The following DOCK6 variants were observed in gnomAD, a reference collection of about 807,000 sequenced individuals.
DOCK6 encodes the protein dedicator of cytokinesis protein 6.
A neutral mutation model predicts 230.3 loss-of-function variants in DOCK6; 167 were observed. The observed-to-expected ratio is 0.73, with a 90% CI of 0.64 to 0.82. The LOEUF (loss-of-function observed/expected upper bound fraction) is 0.82, where lower values mean the gene tolerates loss of function less well. Among genes scored for constraint, DOCK6 ranks in the 40% least tolerant of loss-of-function variants. DOCK6 has a pLI of 0.00. For synonymous variants in DOCK6, 1,148 were observed against 1,185.0 expected, an observed-to-expected ratio of 0.97 and a Z score of 0.64; for missense variants, 2,598 against 2,825.8, an observed-to-expected ratio of 0.92 and a Z score of 1.83.
rs1378963280 is a variant in DOCK6 at position 11,200,388 on chromosome 19, G to A, written c.6021C>T (p.Tyr2007=). ...KEYHRELERN[Y]CRLREALQPL... is the part of the protein sequence containing the mutation. ...GCTGCAGAGCCTCCCGCAGGCGGCA[G>A]TAGTTGCGCTCCAGCTCACGGTGGT... The change falls in exon 47 of 48, where the codon TAC becomes TAT. Residue 2007 remains tyrosine (Y), a synonymous_variant. Transcript: ENST00000294618. This position sits in a 1 kb window ranked among gnomAD's most constrained non-coding sequence, Gnocchi z 4.3. 2.5e-6 allele frequency: 4 copies of A among 1,605,474 alleles called. No homozygotes were observed. The highest frequency in any genetic ancestry group is 2.3e-5 in the East Asian group (1 of 44,416).
At chr19:11,241,578 G>A in intron 14 of DOCK6, 1 of 1,555,072 alleles carries the variant, frequency 6.4e-7, no homozygotes, top group Non-Finnish European at 8.7e-7. Flanking sequence ...GGGTTTGGCA[G>A]GCAGGGCAGT....
In DOCK6 at chr19:11,243,949, C is replaced by T. The variant is rs2079992775; in HGVS notation, c.1024-67G>A. On this transcript the variant is annotated intron_variant, in intron 9 of 47. Transcript: ENST00000294618. This position sits in a 1 kb window ranked among gnomAD's most constrained non-coding sequence, Gnocchi z 6.3. ...CGCTCTGTTCCCCCGTGCTGGCTCC[C>T]CAGCCTCCTGGACCCCTCATGGGCC... The T allele has an allele frequency of 1.3e-6, 2 of 1,536,934 alleles. No individual in the cohort carries two copies. Among genetic ancestry groups the T allele is most frequent in the South Asian group, 2.4e-5 (2 of 83,866 alleles).
intron 24 of DOCK6, among the ~76,000 whole-genome samples, chr19:11,226,886 G>A (rs2147797077): frequency 6.6e-6 from 1 of 152,286 alleles, no homozygotes; most frequent in East Asian, 1.9e-4. Flanking sequence ...ACTGTGCTAA[G>A]GGTTAATGGA....
Position 11,252,176 on chromosome 19 carries a change from G to A in DOCK6, c.450C>T (p.Pro150=), listed in dbSNP as rs1197807522. The change falls in exon 5 of 48, where the codon CCC becomes CCT. Residue 150 remains proline, a synonymous_variant. Transcript: ENST00000294618. ...DTQRERQKGL[P]RQVFEQDASG... ...AAGCATCCTGCTCAAAGACCTGGCG[G>A]GGGAGGCCCTTCTGTCGCTCCCGCT... is the stretch of plus-strand genomic sequence containing the variant. 1.3e-6 allele frequency: 2 copies of A among 1,585,084 alleles called. No homozygotes were observed. Among genetic ancestry groups the A allele is most frequent in the Middle Eastern group, 1.7e-4 (1 of 6,026 alleles).
In DOCK6 at chr19:11,217,106, G is replaced by A. The variant is rs758244555; in HGVS notation, c.3712-10C>T. On this transcript the variant is annotated splice_polypyrimidine_tract_variant and intron_variant, in intron 29 of 47. Coordinates refer to ENST00000294618, the MANE Select transcript of DOCK6 (RefSeq NM_020812.4). ...AGCCTGCGCGAGAAGCCTGGGGCCA[G>A]AGAGGAATCAAAGTCAATTTCCATT... 2 of 1,607,020 alleles carry A rather than the reference G, an allele frequency of 1.2e-6. No individual in the cohort carries two copies. Among genetic ancestry groups the A allele is most frequent in the East Asian group, 2.2e-5 (1 of 44,738 alleles).
Position 11,251,803 on chromosome 19 carries a change from C to G in DOCK6, c.507+316G>C, listed in dbSNP as rs548909944. 6 of 310,014 alleles carry G rather than the reference C, an allele frequency of 1.9e-5. No individual in the cohort carries two copies. The South Asian group carries it at 2.9e-4, about 15-fold the overall frequency. 19.2% of individuals were successfully genotyped at this position (310,014 alleles called of 1,614,324 possible). On this transcript the variant is annotated intron_variant, in intron 5 of 47. Coordinates refer to ENST00000294618, the MANE Select transcript of DOCK6 (RefSeq NM_020812.4). ...AATTATGGTTGGTATACAGTAGGTG[C>G]TCAGTAAATGTTGATTGACAAAATA...
intron 14 of DOCK6, chr19:11,238,883 CTGA>C: frequency 6.4e-6 from 1 of 156,122 alleles, no homozygotes; most frequent in Non-Finnish European, 1.4e-5. Flanking sequence ...TGTAATGATA[CTGA>C]TGATGATAAA....
Position 11,208,987 on chromosome 19 carries a change from GCGTGCACCATGCACTGGGCGGC to G in DOCK6, c.4846_4867del (p.Ala1616ArgfsTer33). 6.2e-7 allele frequency: 1 copy of G among 1,610,314 alleles called. No homozygotes were observed. The highest frequency in any genetic ancestry group is 8.5e-7 in the Non-Finnish European group (1 of 1,178,334). On this transcript the variant is annotated frameshift_variant, in exon 38 of 48. Transcript: ENST00000294618. LOFTEE classifies it high-confidence loss of function. The stretch of plus-strand genomic sequence containing the variant: ...GAGGTACTCAGCCACGAGGGCGGCC[GCGTGCACCATGCACTGGGCGGC>G]CTCGGCGTGGTTGCCCAGCTCCGCG...
At chr19:11,223,444 G>A (rs1035052800) in intron 24 of DOCK6, among the ~76,000 whole-genome samples, 1 of 152,168 alleles carries the variant, frequency 6.6e-6, no homozygotes, top group Non-Finnish European at 1.5e-5. Flanking sequence ...TGAGGGGAAA[G>A]TGAGGTGGCC....
chr19:11,226,778 T>C (rs1560699), intron 24 of DOCK6, among the ~76,000 whole-genome samples: 151,317 of 152,344 alleles, frequency 0.99, 75,156 homozygotes, highest in Middle Eastern at 1. Flanking sequence ...GCCTAGCCCC[T>C]GAGGGCATTG....
At chr19:11,241,260 G>T (rs1799943768) in intron 14 of DOCK6, among the ~76,000 whole-genome samples, 1 of 151,794 alleles carries the variant, frequency 6.6e-6, no homozygotes, top group Non-Finnish European at 1.5e-5. Context: ...AAAATCCATA[G>T]GATGTTCATC....
Position 11,217,073 on chromosome 19 carries a change from G to A in DOCK6, c.3735C>T (p.Leu1245=). 6.2e-7 allele frequency: 1 copy of A among 1,613,266 alleles called. No homozygotes were observed. Residue 1245 remains leucine (L), a synonymous_variant, in exon 30 of 48, where the codon CTC becomes CTT. Transcript: ENST00000294618. ...PPTASRAGCA[L]SAESSRTLLA... is the part of the protein sequence containing the mutation. ...GCAAGGTCCGGCTTGACTCAGCAGA[G>A]AGGGCACAGCCTGCGCGAGAAGCCT...
chr19:11,214,872 C>T (rs1310261457), intron 32 of DOCK6, among the ~76,000 whole-genome samples: 2 of 151,638 alleles, frequency 1.3e-5, no homozygotes, highest in Non-Finnish European at 2.9e-5. Context: ...ACCTCCCAGG[C>T]TCAAGTCATT....
At chr19:11,247,926 C>T (rs981191020) in intron 7 of DOCK6, 140 bp downstream of exon 7, 1 of 664,332 alleles carries the variant, frequency 1.5e-6, no homozygotes, top group Non-Finnish European at 2.6e-6. Context: ...CTTCCTTCCC[C>T]CATAAAAGCC....
At chr19:11,230,859 C>G (rs1465504500) in intron 22 of DOCK6, among the ~76,000 whole-genome samples, 1 of 152,124 alleles carries the variant, frequency 6.6e-6, no homozygotes, top group Non-Finnish European at 1.5e-5. Flanking sequence ...CTCTCGCTTC[C>G]TCCTTCGCTG....
At chr19:11,230,465 C>T (rs1426812346) in intron 22 of DOCK6, among the ~76,000 whole-genome samples, 4 of 151,956 alleles carry the variant, frequency 2.6e-5, no homozygotes, top group Non-Finnish European at 4.4e-5. Flanking sequence ...CGAGAACACA[C>T]GAAGGCTGGG....
intron 23 of DOCK6, among the ~76,000 whole-genome samples, chr19:11,227,755 C>T (rs554509700): frequency 2.4e-4 from 36 of 151,894 alleles, no homozygotes; most frequent in African/African-American, 8.2e-4. Context: ...TTAAGAAAGC[C>T]GTGGGCAGAT....
intron 24 of DOCK6, among the ~76,000 whole-genome samples, 162 bp downstream of exon 24, chr19:11,227,175 T>C (rs2079678668): frequency 6.6e-6 from 1 of 152,208 alleles, no homozygotes; most frequent in Admixed American, 6.5e-5. Flanking sequence ...CTGTGCACGT[T>C]ACAGGCACTT....
At chr19:11,234,145 G>A (rs1396829839) in intron 21 of DOCK6, among the ~76,000 whole-genome samples, 2 of 152,170 alleles carry the variant, frequency 1.3e-5, no homozygotes, top group East Asian at 1.9e-4. Flanking sequence ...GACTACAGGC[G>A]TGAGCCACCA....
Sources: gnomAD v4.1 joint callset for allele counts (sites outside exome capture counted in the v4.1 genomes callset) on GRCh38, gnomAD v4.1.1 for gene constraint, Gnocchi (gnomAD v3.1) non-coding constraint, MANE v1.5 for transcripts, NCBI Gene and HGNC (gene_info 2026-07-23, HGNC 2026-07-21) for gene names.